The following AOC3 variants were observed in gnomAD, a reference collection of about 807,000 sequenced individuals.
AOC3 encodes amine oxidase copper containing 3.
A neutral mutation model predicts 55.4 loss-of-function variants in AOC3; 47 were observed. The ratio of observed to expected loss-of-function variants is 0.85; its 90% CI spans 0.67 to 1.08. The LOEUF (loss-of-function observed/expected upper bound fraction) is 1.08, where lower values mean the gene tolerates loss of function less well. AOC3 is among the 50% of genes least tolerant of loss of function. The pLI is 0.00. For synonymous variants in AOC3, 386 were observed against 410.7 expected (o/e 0.94, Z 0.73); for missense variants, 853 against 993.1 (o/e 0.86, Z 1.90).
At position 42,851,283 on chromosome 17, in the gene AOC3, T is replaced by G; in HGVS notation, c.-61T>G. ...CCAGGAGCCAACAGAGCCCCCGTCT[T>G]GCTGGCGTGAGAATACATTGCTCTC... On this transcript the variant is annotated 5_prime_UTR_variant, in exon 1 of 4. Transcript: ENST00000308423. The G allele has an allele frequency of 2.6e-6, 4 of 1,524,096 alleles. No homozygotes were observed. The highest frequency in any genetic ancestry group is 3.5e-6 in the Non-Finnish European group (4 of 1,130,750). 94.4% of individuals were successfully genotyped at this position (1,524,096 alleles called of 1,614,324 possible).
rs1377252670 is a variant in AOC3 at position 42,852,616 on chromosome 17, A to C, written c.1273A>C (p.Ile425Leu). 1 of 1,614,140 alleles carries C rather than the reference A, an allele frequency of 6.2e-7. No individual in the cohort carries two copies. The highest frequency in any genetic ancestry group is 8.5e-7 in the Non-Finnish European group (1 of 1,180,036). ...TTTGGAGTCCCAGGCCCCCAAGACA[A>C]TACGTGATGCCTTTTGTGTGTTTGA... Reference protein sequence around the residue: ...FLLESQAPKTIRDAFCVFEQN... With the variant: ...FLLESQAPKTLRDAFCVFEQN... Residue 425 changes from isoleucine (I) to leucine (L), a missense_variant, in exon 1 of 4, where the codon ATA (isoleucine) becomes CTA (leucine). Coordinates refer to ENST00000308423, the MANE Select transcript of AOC3 (RefSeq NM_003734.4).
intron 1 of AOC3, chr17:42,854,228 A>C (rs1029274315): frequency 2.5e-6 from 1 of 398,666 alleles, no homozygotes; most frequent in African/African-American, 2.1e-5. Flanking sequence ...TGAAAGAATG[A>C]ATGAGTGAAA....
Position 42,857,540 on chromosome 17 carries a change from C to G in AOC3, c.*990C>G, listed in dbSNP as rs1259191130. The G allele has an allele frequency of 6.6e-6, 1 of 152,304 alleles. No individual in the cohort carries two copies. Among genetic ancestry groups the G allele is most frequent in the Non-Finnish European group, 1.5e-5 (1 of 68,054 alleles). 9.4% of individuals were successfully genotyped at this position (152,304 alleles called of 1,614,324 possible). On this transcript the variant is annotated 3_prime_UTR_variant, in exon 4 of 4. Coordinates refer to ENST00000308423, the MANE Select transcript of AOC3 (RefSeq NM_003734.4). The stretch of plus-strand genomic sequence containing the variant: ...CAAAGCCCCTACAACTCCAGCCACC[C>G]AGCCAGGAGGGGCTGTCCAATCACA...
rs749455412 is a variant in AOC3 at position 42,852,900 on chromosome 17, C to G, written c.1557C>G (p.Val519=). The change falls in exon 1 of 4, where the codon GTC becomes GTG. Residue 519 remains valine, a synonymous_variant. Transcript: ENST00000308423. The part of the protein sequence containing the change: ...NQVSEHTLGT[V]HTHSAHFKVD... Reference sequence around the variant, plus strand: ...TGTCAGAGCACACCCTGGGCACGGTCCACACCCACAGCGCCCACTTCAAGG... The same window carrying G: ...TGTCAGAGCACACCCTGGGCACGGTGCACACCCACAGCGCCCACTTCAAGG... The G allele has an allele frequency of 6.2e-7, 1 of 1,610,134 alleles. No homozygotes were observed. Among genetic ancestry groups the G allele is most frequent in the Admixed American group, 1.7e-5 (1 of 59,938 alleles).
Position 42,854,638 on chromosome 17 carries a change from G to A in AOC3, c.1791G>A (p.Trp597Ter), listed in dbSNP as rs1567691427. The A allele has an allele frequency of 6.3e-7, 1 of 1,582,954 alleles. No individual in the cohort carries two copies. ...LYLASNHSNKWGHPRGYRIQM... is the reference protein window; with the variant it reads ...LYLASNHSNK ...TGGCCAGCAACCACAGCAACAAGTGGGGTCACCCCCGGGGCTACCGCATCC... is the reference window on the plus strand; with the variant it reads ...TGGCCAGCAACCACAGCAACAAGTGAGGTCACCCCCGGGGCTACCGCATCC... Residue 597 changes from tryptophan to a stop codon, truncating the protein, a stop_gained, in exon 2 of 4, where the codon TGG (tryptophan) becomes TGA (stop). Transcript: ENST00000308423. LOFTEE classifies it high-confidence loss of function.
intron 2 of AOC3, 25 bp downstream of exon 2, chr17:42,854,758 AG>A: frequency 6.9e-7 from 1 of 1,442,212 alleles, no homozygotes; most frequent in Non-Finnish European, 9.2e-7. Flanking sequence ...GTCAGAGAGG[AG>A]GGGGGCAGTG....
intron 1 of AOC3, chr17:42,853,419 T>C: frequency 1.0e-6 from 1 of 995,170 alleles, no homozygotes; most frequent in Non-Finnish European, 1.2e-6. Context: ...CTCCCTGATT[T>C]TCCTTCTTTC....
chr17:42,855,518 G>A lies in AOC3; in HGVS notation c.1961G>A (p.Trp654Ter), dbSNP rs1597970508. ...AGCGTTTTCAATCAGAATGACCCTTGGGCCCCCACTGTGGATTTCAGTGAC... is the reference window on the plus strand; with the variant it reads ...AGCGTTTTCAATCAGAATGACCCTTAGGCCCCCACTGTGGATTTCAGTGAC... ...SSSVFNQNDP[W>*]APTVDFSDFI... Residue 654 changes from tryptophan (W) to a stop codon, truncating the protein, a stop_gained, in exon 3 of 4, where the codon TGG (tryptophan) becomes TAG (stop). Transcript: ENST00000308423. LOFTEE classifies it high-confidence loss of function. The A allele has an allele frequency of 6.2e-7, 1 of 1,613,932 alleles. No homozygotes were observed. The highest frequency in any genetic ancestry group is 1.1e-5 in the South Asian group (1 of 90,972).
In AOC3 at chr17:42,855,520, G is replaced by T; in HGVS notation, c.1963G>T (p.Ala655Ser). 1.2e-6 allele frequency: 2 copies of T among 1,614,004 alleles called. No homozygotes were observed. The highest frequency in any genetic ancestry group is 1.1e-5 in the South Asian group (1 of 90,988). Residue 655 changes from alanine to serine, a missense_variant, in exon 3 of 4, where the codon GCC becomes TCC. Physicochemically the swap from Ala to Ser is moderately conservative, Grantham distance 99 (BLOSUM62 1). Transcript: ENST00000308423. ...SSVFNQNDPWAPTVDFSDFIN... is the reference protein window; with the variant it reads ...SSVFNQNDPWSPTVDFSDFIN... Reference sequence around the variant, plus strand: ...CGTTTTCAATCAGAATGACCCTTGGGCCCCCACTGTGGATTTCAGTGACTT... The same window carrying T: ...CGTTTTCAATCAGAATGACCCTTGGTCCCCCACTGTGGATTTCAGTGACTT...
intron 1 of AOC3, 101 bp downstream of exon 1, chr17:42,853,044 G>C: frequency 2.8e-6 from 4 of 1,429,774 alleles, no homozygotes; most frequent in African/African-American, 1.4e-5. Flanking sequence ...AGGAAGACGT[G>C]GATTTTTGTA....
Position 42,852,831 on chromosome 17 carries a change from C to G in AOC3, c.1488C>G (p.Ser496Arg), listed in dbSNP as rs1253808540. 1.2e-6 allele frequency: 2 copies of G among 1,614,052 alleles called. No homozygotes were observed. The highest frequency in any genetic ancestry group is 4.5e-5 in the East Asian group (2 of 44,870). Reference protein sequence around the residue: ...EIRFYATGYISSAFLFGATGK... With the variant: ...EIRFYATGYIRSAFLFGATGK... Reference sequence around the variant, plus strand: ...GATTCTATGCCACGGGCTACATCAGCTCGGCATTCCTCTTTGGTGCTACTG... The same window carrying G: ...GATTCTATGCCACGGGCTACATCAGGTCGGCATTCCTCTTTGGTGCTACTG... The change falls in exon 1 of 4, where the codon AGC becomes AGG. Residue 496 changes from serine to arginine, a missense_variant. By Grantham distance (110) the Ser-to-Arg change is moderately radical. Coordinates refer to ENST00000308423, the MANE Select transcript of AOC3 (RefSeq NM_003734.4).
At position 42,852,281 on chromosome 17, in the gene AOC3, C is replaced by G; in HGVS notation, c.938C>G (p.Pro313Arg). Residue 313 changes from proline (P) to arginine (R), a missense_variant, in exon 1 of 4, where the codon CCT (proline) becomes CGT (arginine). Transcript: ENST00000308423. ...KSPVPPGPAPPLQFYPQGPRF... is the reference protein window; with the variant it reads ...KSPVPPGPAPRLQFYPQGPRF... ...CCTGTGCCCCCGGGTCCAGCTCCCC[C>G]TCTACAGTTCTATCCCCAAGGCCCC... is the stretch of plus-strand genomic sequence containing the variant. 3 of 1,614,102 alleles carry G rather than the reference C, an allele frequency of 1.9e-6. No homozygotes were observed. The highest frequency in any genetic ancestry group is 2.5e-6 in the Non-Finnish European group (3 of 1,180,026).
intron 1 of AOC3, chr17:42,853,277 T>C: frequency 9.1e-7 from 1 of 1,101,034 alleles, no homozygotes; most frequent in Non-Finnish European, 1.1e-6. Flanking sequence ...AGCAGCCTTC[T>C]GTTTGTCAGC....
At position 42,851,335 on chromosome 17, in the gene AOC3, C is replaced by T. The variant is rs1395243464; in HGVS notation, c.-9C>T. Reference sequence around the variant, plus strand: ...TTTGGTTGAATCAGCTGTCCCTCTTCGTGGGAAAATGAACCAGAAGACAAT... The same window carrying T: ...TTTGGTTGAATCAGCTGTCCCTCTTTGTGGGAAAATGAACCAGAAGACAAT... On this transcript the variant is annotated 5_prime_UTR_variant, in exon 1 of 4. Coordinates refer to ENST00000308423, the MANE Select transcript of AOC3 (RefSeq NM_003734.4). The T allele has an allele frequency of 8.8e-6, 14 of 1,582,394 alleles. No homozygotes were observed. Among genetic ancestry groups the T allele is most frequent in the Middle Eastern group, 3.4e-4 (2 of 5,938 alleles).
rs774977134 is a variant in AOC3 at position 42,852,834 on chromosome 17, G to T, written c.1491G>T (p.Ser497=). The T allele has an allele frequency of 5.6e-6, 9 of 1,614,004 alleles. 1 individual carries two copies. The South Asian group carries it at 9.9e-5, about 18-fold the overall frequency. The change falls in exon 1 of 4, where the codon TCG becomes TCT. Residue 497 remains serine, a synonymous_variant. Transcript: ENST00000308423. Reference sequence around the variant, plus strand: ...TCTATGCCACGGGCTACATCAGCTCGGCATTCCTCTTTGGTGCTACTGGGA... The same window carrying T: ...TCTATGCCACGGGCTACATCAGCTCTGCATTCCTCTTTGGTGCTACTGGGA... The part of the protein sequence containing the change: ...IRFYATGYIS[S]AFLFGATGKY...
In AOC3 at chr17:42,852,670, C is replaced by T; in HGVS notation, c.1327C>T (p.His443Tyr). Residue 443 changes from histidine to tyrosine, a missense_variant, in exon 1 of 4, where the codon CAC (histidine) becomes TAC (tyrosine). Transcript: ENST00000308423. ...GAACCAGGGCCTCCCCCTGCGGCGACACCACTCAGATCTCTACTCGCACTA... is the reference window on the plus strand; with the variant it reads ...GAACCAGGGCCTCCCCCTGCGGCGATACCACTCAGATCTCTACTCGCACTA... ...EQNQGLPLRR[H>Y]HSDLYSHYFG... The T allele has an allele frequency of 6.2e-7, 1 of 1,614,188 alleles. No individual in the cohort carries two copies.
Position 42,856,309 on chromosome 17 carries a change from A to G in AOC3, c.2051A>G (p.His684Arg). 6 of 1,614,120 alleles carry G rather than the reference A, an allele frequency of 3.7e-6. No homozygotes were observed. The highest frequency in any genetic ancestry group is 5.1e-6 in the Non-Finnish European group (6 of 1,180,004). Residue 684 changes from histidine (H) to arginine (R), a missense_variant, in exon 4 of 4, where the codon CAT (histidine) becomes CGT (arginine). Physicochemically the swap from His to Arg is conservative, Grantham distance 29. Coordinates refer to ENST00000308423, the MANE Select transcript of AOC3 (RefSeq NM_003734.4). ...LVAWVTAGFL[H>R]IPHAEDIPNT... is the part of the protein sequence containing the mutation. Reference sequence around the variant, plus strand: ...GCCTGGGTGACAGCTGGTTTTCTGCATATCCCACATGCAGAGGACATTCCT... The same window carrying G: ...GCCTGGGTGACAGCTGGTTTTCTGCGTATCCCACATGCAGAGGACATTCCT...
rs33954211 is a variant in AOC3 at position 42,851,357 on chromosome 17, C to A, written c.14C>A (p.Thr5Lys). The A allele has an allele frequency of 1.2e-6, 2 of 1,600,302 alleles. No individual in the cohort carries two copies. The highest frequency in any genetic ancestry group is 1.7e-6 in the Non-Finnish European group (2 of 1,172,174). ...CTTCGTGGGAAAATGAACCAGAAGA[C>A]AATCCTCGTGCTCCTCATTCTGGCC... MNQK[T>K]ILVLLILAVI... Residue 5 changes from threonine to lysine, a missense_variant, in exon 1 of 4, where the codon ACA becomes AAA. Physicochemically the swap from Thr to Lys is moderately conservative, Grantham distance 78. Coordinates refer to ENST00000308423, the MANE Select transcript of AOC3 (RefSeq NM_003734.4).
intron 3 of AOC3, 34 bp downstream of exon 3, chr17:42,855,607 C>A: frequency 6.2e-7 from 1 of 1,613,778 alleles, no homozygotes. Flanking sequence ...ACAGGATGAG[C>A]CTTGCTTTCT....
Sources: gnomAD v4.1 joint callset for allele counts on GRCh38, gnomAD v4.1.1 for gene constraint, MANE v1.5 for transcripts, NCBI Gene and HGNC (gene_info 2026-07-23, HGNC 2026-07-21) for gene names.